The following KCNN2 variants were observed in gnomAD, a reference collection of about 807,000 sequenced individuals.
The protein encoded by KCNN2 is potassium calcium-activated channel subfamily N member 2, also known as small conductance calcium-activated potassium channel protein 2.
A neutral mutation model predicts 55.5 loss-of-function variants in KCNN2; 24 were observed. The ratio of observed to expected loss-of-function variants is 0.43; its 90% CI spans 0.31 to 0.61. KCNN2 has a LOEUF of 0.61. Among genes scored for constraint, KCNN2 ranks in the 20% least tolerant of loss-of-function variants. The probability of loss-of-function intolerance (pLI) is 0.08; values close to 1 mark genes in which losing one functional copy is unlikely to be tolerated. For missense variants in KCNN2, 754 were observed against 853.6 expected, an observed-to-expected ratio of 0.88 and a Z score of 1.45; for synonymous variants, 431 against 336.1, an observed-to-expected ratio of 1.28 and a Z score of -3.09.
intron 1 of KCNN2, among the ~76,000 whole-genome samples, chr5:114,195,216 C>CA (rs1561517852): frequency 0.03 from 4,488 of 147,486 alleles, 231 homozygotes; most frequent in African/African-American, 0.11. Context: ...TGATTTCTGC[C>CA]GAAAAAAAAA....
intron 1 of KCNN2, among the ~76,000 whole-genome samples, chr5:114,163,493 GTGAA>G (rs1440976789): frequency 1.3e-5 from 2 of 152,114 alleles, no homozygotes; most frequent in African/African-American, 4.8e-5. Context: ...AATTTTTAAT[GTGAA>G]TGGATATTGA....
intron 2 of KCNN2, among the ~76,000 whole-genome samples, chr5:114,389,255 A>C (rs1288395713): frequency 1.3e-5 from 2 of 151,996 alleles, no homozygotes; most frequent in Non-Finnish European, 2.9e-5. Context: ...GCCTTAGATA[A>C]CCAAACTGGT....
intron 3 of KCNN2, among the ~76,000 whole-genome samples, chr5:114,427,884 T>G (rs1009565692): frequency 4.6e-5 from 7 of 152,212 alleles, no homozygotes; most frequent in Non-Finnish European, 1.0e-4. Context: ...TATACATAAA[T>G]TGGTACTATT....
intron 2 of KCNN2, among the ~76,000 whole-genome samples, chr5:114,324,454 A>T (rs1294756561): frequency 3.3e-5 from 5 of 152,210 alleles, no homozygotes; most frequent in African/African-American, 1.2e-4. Flanking sequence ...GGAAAAAATG[A>T]TGTCATCTTG....
chr5:114,079,237 A>C (rs1750749419), intron 1 of KCNN2, among the ~76,000 whole-genome samples: 1 of 152,232 alleles, frequency 6.6e-6, no homozygotes, highest in South Asian at 2.1e-4. Context: ...TTTGCAATTC[A>C]GACAATCTAG....
chr5:114,217,820 C>T (rs1387959837), intron 1 of KCNN2, among the ~76,000 whole-genome samples: 1 of 151,902 alleles, frequency 6.6e-6, no homozygotes, highest in Non-Finnish European at 1.5e-5. Context: ...AAGAGAAGCC[C>T]AGACTGGAAA....
chr5:114,077,137 A>G (rs1008544734), intron 1 of KCNN2, among the ~76,000 whole-genome samples: 2 of 152,196 alleles, frequency 1.3e-5, no homozygotes, highest in African/African-American at 4.8e-5. Flanking sequence ...TTCATTTGAG[A>G]AGTGCTGTGG....
chr5:114,378,572 G>C (rs1245908374), intron 2 of KCNN2, among the ~76,000 whole-genome samples: 1 of 152,160 alleles, frequency 6.6e-6, no homozygotes, highest in Non-Finnish European at 1.5e-5. Flanking sequence ...TGTACCCCTG[G>C]GATTGATGTG....
chr5:114,232,273 T>G (rs1754378558), intron 2 of KCNN2, among the ~76,000 whole-genome samples: 1 of 151,212 alleles, frequency 6.6e-6, no homozygotes, highest in Non-Finnish European at 1.5e-5. Flanking sequence ...ATGAGTCCTA[T>G]TTACTCCACA....
At chr5:114,241,744 ATATATATGTATATATATACG>A (rs1561536985) in intron 2 of KCNN2, among the ~76,000 whole-genome samples, 1 of 29,604 alleles carries the variant, frequency 3.4e-5, no homozygotes, top group Non-Finnish European at 5.9e-5. Flanking sequence ...ATATATACGT[ATATATATGTATATATATACG>A]TATATATATA....
chr5:114,245,473 G>A (rs982568953), intron 2 of KCNN2, among the ~76,000 whole-genome samples: 1 of 152,118 alleles, frequency 6.6e-6, no homozygotes. Flanking sequence ...ATTTCAAAGA[G>A]GGAAAGTGAA....
At position 114,188,665 on chromosome 5, in the gene KCNN2, T is replaced by C. The variant is rs1470125034; in HGVS notation, c.-270-32815T>C. On this transcript the variant is annotated intron_variant, in intron 1 of 10. Coordinates refer to the KCNN2 transcript ENST00000512097. The stretch of plus-strand genomic sequence containing the variant: ...TATATAAAACTTGGCAGAATTCTTA[T>C]GCAATAACTAATTAAAAATGAAATG... 2.0e-5 allele frequency among the ~76,000 whole-genome samples: 3 copies of C among 152,258 alleles called. No homozygotes were observed. In the East Asian group the frequency reaches 5.8e-4, roughly 29 times the overall value.
At chr5:114,261,443 G>C (rs922119896) in intron 2 of KCNN2, among the ~76,000 whole-genome samples, 1 of 152,150 alleles carries the variant, frequency 6.6e-6, no homozygotes, top group African/African-American at 2.4e-5. Flanking sequence ...GAGAAGGAAG[G>C]CTGATTTTGC....
intron 7 of KCNN2, 79 bp downstream of exon 7, chr5:114,493,551 A>T: frequency 1.0e-6 from 1 of 982,572 alleles, no homozygotes; most frequent in Non-Finnish European, 1.6e-6. Flanking sequence ...TGAATGTTTC[A>T]AGAGGATCCC....
chr5:114,093,612 G>C (rs1344138365), intron 1 of KCNN2, among the ~76,000 whole-genome samples: 3 of 152,196 alleles, frequency 2.0e-5, no homozygotes, highest in Non-Finnish European at 4.4e-5. Context: ...GGCAGGGGAA[G>C]TCTCAGGAAA....
intron 3 of KCNN2, among the ~76,000 whole-genome samples, chr5:114,412,516 A>G (rs543738469): frequency 6.6e-6 from 1 of 152,258 alleles, no homozygotes; most frequent in Non-Finnish European, 1.5e-5. Flanking sequence ...TTTATATAAC[A>G]TAAGCCAGTT....
intron 4 of KCNN2, among the ~76,000 whole-genome samples, chr5:114,469,110 G>A (rs1437964087): frequency 7.2e-5 from 11 of 152,138 alleles, no homozygotes; most frequent in Admixed American, 3.3e-4. Flanking sequence ...GACTATCCAC[G>A]TGTTGGGATT....
At chr5:114,431,256 T>G (rs1025687134) in intron 3 of KCNN2, among the ~76,000 whole-genome samples, 2 of 152,164 alleles carry the variant, frequency 1.3e-5, no homozygotes, top group South Asian at 2.1e-4. Context: ...AGTAGTTTTC[T>G]GGATTTCTTT....
intron 1 of KCNN2, among the ~76,000 whole-genome samples, chr5:114,059,728 A>G (rs1460229791): frequency 6.6e-6 from 1 of 152,200 alleles, no homozygotes; most frequent in East Asian, 1.9e-4. Flanking sequence ...AGCTACTCTG[A>G]GAAGCCAGAA....
Sources: allele counts gnomAD v4.1 joint callset (sites outside exome capture counted in the v4.1 genomes callset), GRCh38; gene constraint gnomAD v4.1.1; transcripts MANE v1.5; gene names NCBI Gene and HGNC (gene_info 2026-07-23, HGNC 2026-07-21).